ZDHHC20: variants seen among roughly 807,000 people sequenced by gnomAD.
ZDHHC20 encodes palmitoyltransferase ZDHHC20.
ZDHHC20 carries 43 observed loss-of-function variants against 57.8 expected under a neutral mutation model. The ratio of observed to expected loss-of-function variants is 0.74; its 90% confidence interval spans 0.58 to 0.96. The LOEUF is 0.96. Among genes scored for constraint, ZDHHC20 ranks in the 40% least tolerant of loss-of-function variants. ZDHHC20 has a pLI of 0.00. For missense variants in ZDHHC20, 391 were observed against 441.1 expected, an observed-to-expected ratio of 0.89 and a Z score of 1.02; for synonymous variants, 157 against 153.0, an observed-to-expected ratio of 1.03 and a Z score of -0.19.
chr13:21,385,725 T>C (rs1296742711), intron 9 of ZDHHC20, among the ~76,000 whole-genome samples: 1 of 152,178 alleles, frequency 6.6e-6, no homozygotes, highest in Non-Finnish European at 1.5e-5. Flanking sequence ...ATGAAAATTA[T>C]TCAAATCTGA....
intron 1 of ZDHHC20, among the ~76,000 whole-genome samples, chr13:21,431,523 T>C (rs1176215599): frequency 2.6e-5 from 4 of 152,222 alleles, no homozygotes; most frequent in African/African-American, 7.2e-5. Flanking sequence ...ATGTTAAATA[T>C]GTGCTTAACT....
chr13:21,398,895 G>A (rs77489860), intron 7 of ZDHHC20, among the ~76,000 whole-genome samples: 4,766 of 152,174 alleles, frequency 0.031, 151 homozygotes, highest in South Asian at 0.042. Context: ...AGGGGGACAC[G>A]CAACAACCCA....
In ZDHHC20 at chr13:21,394,288, T is replaced by C. The variant is rs190003866; in HGVS notation, c.595-2434A>G. ...TATCATGTTCTCTGGGCCTGAATGCTCTTCTCTCAGATATCCATTAATTCC... is the reference window on the plus strand; with the variant it reads ...TATCATGTTCTCTGGGCCTGAATGCCCTTCTCTCAGATATCCATTAATTCC... On this transcript the variant is annotated intron_variant, in intron 7 of 12. Coordinates refer to ENST00000400590, the MANE Select transcript of ZDHHC20 (RefSeq NM_001330059.2). 1.2e-4 allele frequency among the ~76,000 whole-genome samples: 18 copies of C among 152,348 alleles called. No individual in the cohort carries two copies. The East Asian group carries it at 2.9e-3, about 24-fold the overall frequency.
At chr13:21,378,791 A>T in intron 11 of ZDHHC20, 53 bp from the exon 12 acceptor site, 1 of 1,060,108 alleles carries the variant, frequency 9.4e-7, no homozygotes, top group Non-Finnish European at 1.3e-6. Context: ...AAAAAGAAGT[A>T]TTAAGTTTCT....
intron 1 of ZDHHC20, among the ~76,000 whole-genome samples, chr13:21,458,766 A>T (rs1885135127): frequency 6.6e-6 from 1 of 151,820 alleles, no homozygotes; most frequent in East Asian, 1.9e-4. Context: ...AAGGATGCAG[A>T]CCCCCGGTGT....
chr13:21,443,304 T>C (rs1883360922), intron 1 of ZDHHC20, among the ~76,000 whole-genome samples: 1 of 152,238 alleles, frequency 6.6e-6, no homozygotes, highest in African/African-American at 2.4e-5. Context: ...TCAGTTGCTA[T>C]GCTCTGATCC....
At chr13:21,379,894 G>A (rs61950006) in intron 11 of ZDHHC20, among the ~76,000 whole-genome samples, 75,791 of 147,396 alleles carry the variant, frequency 0.51, 19,892 homozygotes, top group Non-Finnish European at 0.59. Context: ...GGCTCACTGC[G>A]GGCTCCAACC....
chr13:21,438,596 T>C (rs1403106272), intron 1 of ZDHHC20, among the ~76,000 whole-genome samples: 1 of 152,238 alleles, frequency 6.6e-6, no homozygotes, highest in Non-Finnish European at 1.5e-5. Context: ...ATGGCATCTA[T>C]ACCTGGTGAA....
intron 12 of ZDHHC20, 82 bp downstream of exon 12, chr13:21,378,579 A>G (rs1872658664): frequency 1.2e-6 from 1 of 818,388 alleles, no homozygotes; most frequent in Non-Finnish European, 1.7e-6. Flanking sequence ...AGACTAAAAA[A>G]ATACAACTGC....
At chr13:21,396,786 T>C (rs536771317) in intron 7 of ZDHHC20, among the ~76,000 whole-genome samples, 270 of 151,666 alleles carry the variant, frequency 1.8e-3, no homozygotes, top group African/African-American at 6.1e-3. Context: ...TGAGCTGAGA[T>C]TGTGCCACTG....
intron 3 of ZDHHC20, among the ~76,000 whole-genome samples, chr13:21,414,884 A>G (rs1879760905): frequency 6.6e-6 from 1 of 151,896 alleles, no homozygotes; most frequent in Non-Finnish European, 1.5e-5. Flanking sequence ...TATTTCATAG[A>G]TTAAAAAAAA....
At chr13:21,427,653 G>A (rs1375543800) in intron 1 of ZDHHC20, among the ~76,000 whole-genome samples, 1 of 151,940 alleles carries the variant, frequency 6.6e-6, no homozygotes, top group African/African-American at 2.4e-5. Context: ...GACCAACATG[G>A]TGAAACCCCG....
chr13:21,438,794 C>T (rs9509705), intron 1 of ZDHHC20, among the ~76,000 whole-genome samples: 26,237 of 152,106 alleles, frequency 0.17, 2,734 homozygotes, highest in Non-Finnish European at 0.25. Context: ...TCAACAGATG[C>T]GGCAAACTTC....
At chr13:21,381,672 T>TA in intron 10 of ZDHHC20, 123 bp from the exon 11 acceptor site, 1 of 664,678 alleles carries the variant, frequency 1.5e-6, no homozygotes. Context: ...CATGAGATCT[T>TA]AGCACTCTGA....
In ZDHHC20 at chr13:21,406,548, C is replaced by T. The variant is rs183485238; in HGVS notation, c.371-3682G>A. Among the ~76,000 whole-genome samples the T allele has an allele frequency of 2.4e-4, 37 of 152,124 alleles. 1 individual carries two copies. In the East Asian group the frequency reaches 6.6e-3, roughly 27 times the overall value. The stretch of plus-strand genomic sequence containing the variant: ...ATCCCTCCCCTTCCCCTCCACCCCC[C>T]GACAGGCCCCAGTGTGTGATGTTCC... On this transcript the variant is annotated intron_variant, in intron 4 of 12. Coordinates refer to ENST00000400590, the MANE Select transcript of ZDHHC20 (RefSeq NM_001330059.2).
In ZDHHC20 at chr13:21,403,433, T is replaced by C. The variant is rs114413921; in HGVS notation, c.371-567A>G. Among the ~76,000 whole-genome samples, 227 of 152,330 alleles carry C rather than the reference T, an allele frequency of 1.5e-3. 4 individuals are homozygous for C. Among genetic ancestry groups the C allele is most frequent in the African/African-American group, 5.2e-3 (217 of 41,586 alleles). On this transcript the variant is annotated intron_variant, in intron 4 of 12. Coordinates refer to ENST00000400590, the MANE Select transcript of ZDHHC20 (RefSeq NM_001330059.2). ...TATTGTTGCCTAATACATATGTTCA[T>C]TTAAAATGTATGGAACACCTGCTAG...
At chr13:21,456,921 G>A (rs1884977628) in intron 1 of ZDHHC20, among the ~76,000 whole-genome samples, 1 of 152,152 alleles carries the variant, frequency 6.6e-6, no homozygotes, top group Non-Finnish European at 1.5e-5. Flanking sequence ...GCTTACTGAA[G>A]TTATATGAAA....
At position 21,373,878 on chromosome 13, in the gene ZDHHC20, A is replaced by T. The variant is rs982395550; in HGVS notation, c.*2818T>A. ...AATACGTATGAATCAGTTGAGCTAA[A>T]TATTATTTAGAACGTGGCAAAATGC... On this transcript the variant is annotated 3_prime_UTR_variant, in exon 13 of 13. Coordinates refer to ENST00000400590, the MANE Select transcript of ZDHHC20 (RefSeq NM_001330059.2). 6.6e-6 allele frequency: 1 copy of T among 152,342 alleles called. No individual in the cohort carries two copies. The highest frequency in any genetic ancestry group is 2.4e-5 in the African/African-American group (1 of 41,466). The allele number at this position is 152,342 out of a possible 1,614,324, so 9.4% of individuals were successfully genotyped here. A position where few individuals can be genotyped will look rare whatever the true frequency, so the allele number is the denominator to read the frequency against.
At chr13:21,431,678 T>A (rs1284960932) in intron 1 of ZDHHC20, among the ~76,000 whole-genome samples, 1 of 152,238 alleles carries the variant, frequency 6.6e-6, no homozygotes, top group Non-Finnish European at 1.5e-5. Context: ...TTAGCTGTTC[T>A]AAAAAATATG....
Sources: allele counts gnomAD v4.1 joint callset (sites outside exome capture counted in the v4.1 genomes callset), GRCh38; gene constraint gnomAD v4.1.1; transcripts MANE v1.5; gene names NCBI Gene and HGNC (gene_info 2026-07-23, HGNC 2026-07-21).